GIPR: variants seen among roughly 807,000 people sequenced by gnomAD.
The protein encoded by GIPR is gastric inhibitory polypeptide receptor.
Under a neutral mutation model 62.2 loss-of-function variants are expected in GIPR, and 74 were observed. The ratio of observed to expected loss-of-function variants is 1.19; its 90% confidence interval spans 0.99 to 1.44. The LOEUF (loss-of-function observed/expected upper bound fraction) is 1.44, where lower values mean the gene tolerates loss of function less well. Ranked by LOEUF, GIPR falls within the 40% of genes most tolerant of loss-of-function variation. The pLI, the probability that GIPR is intolerant of heterozygous loss-of-function variation, is 0.00. For missense variants in GIPR, 664 were observed against 611.8 expected, an observed-to-expected ratio of 1.09 and a Z score of -0.90; for synonymous variants, 256 against 262.2, an observed-to-expected ratio of 0.98 and a Z score of 0.23.
chr19:45,670,539 C>T lies in GIPR; in HGVS notation c.73-96C>T, dbSNP rs557205120. ...ACTCCCGAACAACACGCAACAGACC[C>T]TCAAAGTCTCTCTGGGGCGCTTCTG... On this transcript the variant is annotated intron_variant, in intron 2 of 13. Coordinates refer to ENST00000590918, the MANE Select transcript of GIPR (RefSeq NM_000164.4). The T allele has an allele frequency of 8.6e-4, 685 of 800,520 alleles. 5 individuals carry two copies. Among genetic ancestry groups the T allele is most frequent in the Non-Finnish European group, 1.4e-3 (645 of 468,490 alleles). The allele number at this position is 800,520 out of a possible 1,614,324, so 49.6% of individuals were successfully genotyped here.
chr19:45,677,600 A>C (rs1967016980), intron 9 of GIPR, 110 bp from the exon 10 acceptor site: 3 of 937,252 alleles, frequency 3.2e-6, no homozygotes, highest in Non-Finnish European at 5.3e-6. Flanking sequence ...GGGACCTTAG[A>C]GAATGTGTGT....
chr19:45,683,240 C>G lies in GIPR; in HGVS notation c.*1305C>G, dbSNP rs1402172018. On this transcript the variant is annotated 3_prime_UTR_variant, in exon 14 of 14. Transcript: ENST00000590918. ...CTGGAGCTCTCAGGAGAGGGGCGAG[C>G]TGGAGATAGTAATGTGAGAGGCACT... The G allele has an allele frequency of 6.6e-6, 1 of 152,446 alleles. No individual in the cohort carries two copies. The highest frequency in any genetic ancestry group is 1.5e-5 in the Non-Finnish European group (1 of 68,206). 9.4% of individuals were successfully genotyped at this position (152,446 alleles called of 1,614,324 possible).
At chr19:45,678,328 G>T (rs2146098469) in intron 12 of GIPR, 102 bp downstream of exon 12, 1 of 1,281,478 alleles carries the variant, frequency 7.8e-7, no homozygotes, top group South Asian at 1.3e-5. Context: ...ACTGAATGGG[G>T]TGGGAAGATG....
In GIPR at chr19:45,683,277, G is replaced by C. The variant is rs1037047923; in HGVS notation, c.*1342G>C. On this transcript the variant is annotated 3_prime_UTR_variant, in exon 14 of 14. Coordinates refer to ENST00000590918, the MANE Select transcript of GIPR (RefSeq NM_000164.4). Reference sequence around the variant, plus strand: ...ATGTGAGAGGCACTGGGTCCTGAGAGGGTGATTTGGTGTGGACCGGAGCAC... The same window carrying C: ...ATGTGAGAGGCACTGGGTCCTGAGACGGTGATTTGGTGTGGACCGGAGCAC... 1 of 152,528 alleles carries C rather than the reference G, an allele frequency of 6.6e-6. No individual in the cohort carries two copies. The highest frequency in any genetic ancestry group is 1.5e-5 in the Non-Finnish European group (1 of 68,216). The allele number at this position is 152,528 out of a possible 1,614,324, so 9.4% of individuals were successfully genotyped here.
intron 8 of GIPR, 92 bp downstream of exon 8, chr19:45,677,200 C>G (rs1273044913): frequency 2.1e-5 from 30 of 1,440,794 alleles, no homozygotes; most frequent in Non-Finnish European, 2.7e-5. Context: ...GGTCTCCTCC[C>G]GTCTCTAGGC....
chr19:45,673,093 AAG>A (rs757477995), intron 5 of GIPR, 139 bp downstream of exon 5: 27 of 670,194 alleles, frequency 4.0e-5, no homozygotes, highest in Non-Finnish European at 6.6e-5. Context: ...ACTTGCTTCA[AAG>A]AGAGAAAGAT....
intron 12 of GIPR, among the ~76,000 whole-genome samples, chr19:45,680,839 C>CA (rs10561788): frequency 2.6e-3 from 286 of 111,384 alleles, no homozygotes; most frequent in Middle Eastern, 9.3e-3. Context: ...TCCCTGTCTC[C>CA]AAAAAAAAAA....
chr19:45,674,553 GC>G, intron 6 of GIPR, 128 bp from the exon 7 acceptor site: 1 of 819,742 alleles, frequency 1.2e-6, no homozygotes, highest in South Asian at 1.4e-5. Flanking sequence ...GCTGCAGTGA[GC>G]CCTGATTGTG....
Position 45,676,971 on chromosome 19 carries a change from C to T in GIPR, c.656C>T (p.Ala219Val). The T allele has an allele frequency of 6.2e-7, 1 of 1,614,098 alleles. No individual in the cohort carries two copies. The change falls in exon 8 of 14, where the codon GCC becomes GTC. Residue 219 changes from alanine (A) to valine (V), a missense_variant. By Grantham distance (64) the Ala-to-Val change is moderately conservative. Coordinates refer to ENST00000590918, the MANE Select transcript of GIPR (RefSeq NM_000164.4). ...TAGGCCCTCGCTGCCTGCCGCACGG[C>T]CCAGATCGTGACCCAGTACTGCGTG... Reference protein sequence around the residue: ...WNQALAACRTAQIVTQYCVGA... With the variant: ...WNQALAACRTVQIVTQYCVGA...
Position 45,683,100 on chromosome 19 carries a change from GGA to G in GIPR, c.*1170_*1171del, listed in dbSNP as rs1967326761. On this transcript the variant is annotated 3_prime_UTR_variant, in exon 14 of 14. Transcript: ENST00000590918. ...AGAGGACTCCTTGGCTTTGGATGGT[GGA>G]GAGACTAAAGATAGAGAGATTGGGT... is the stretch of plus-strand genomic sequence containing the variant. The G allele has an allele frequency of 6.5e-6, 1 of 152,704 alleles. No individual in the cohort carries two copies. Among genetic ancestry groups the G allele is most frequent in the South Asian group, 2.1e-4 (1 of 4,838 alleles). 9.5% of individuals were successfully genotyped at this position (152,704 alleles called of 1,614,324 possible).
chr19:45,677,303 C>T lies in GIPR; in HGVS notation c.794-20C>T. The T allele has an allele frequency of 1.1e-5, 9 of 810,280 alleles. No individual in the cohort carries two copies. The highest frequency in any genetic ancestry group is 1.2e-4 in the East Asian group (2 of 17,216). The allele number at this position is 810,280 out of a possible 1,614,324, so 50.2% of individuals were successfully genotyped here. On this transcript the variant is annotated intron_variant, in intron 8 of 13. Transcript: ENST00000590918. ...TGACAGCTGCGGCGGGGTGGGGGGG[C>T]GGGGTCGGGGTCTGCACAGGGGCCC...
chr19:45,676,937 G>C lies in GIPR; in HGVS notation c.634-12G>C, dbSNP rs1170219555. Reference sequence around the variant, plus strand: ...CGCTGACTACCCCTCTACCGGTCTGGCCCCTCCCTAGGCCCTCGCTGCCTG... The same window carrying C: ...CGCTGACTACCCCTCTACCGGTCTGCCCCCTCCCTAGGCCCTCGCTGCCTG... On this transcript the variant is annotated splice_polypyrimidine_tract_variant and intron_variant, in intron 7 of 13. Coordinates refer to ENST00000590918, the MANE Select transcript of GIPR (RefSeq NM_000164.4). 6.2e-7 allele frequency: 1 copy of C among 1,613,180 alleles called. No homozygotes were observed. Among genetic ancestry groups the C allele is most frequent in the Non-Finnish European group, 8.5e-7 (1 of 1,179,830 alleles).
Position 45,676,991 on chromosome 19 carries a change from T to A in GIPR, c.676T>A (p.Cys226Ser). Residue 226 changes from cysteine to serine, a missense_variant, in exon 8 of 14, where the codon TGC becomes AGC. Transcript: ENST00000590918. ...CACGGCCCAGATCGTGACCCAGTAC[T>A]GCGTGGGTGCCAACTACACGTGGCT... Reference protein sequence around the residue: ...CRTAQIVTQYCVGANYTWLLV... With the variant: ...CRTAQIVTQYSVGANYTWLLV... The A allele has an allele frequency of 1.2e-6, 2 of 1,614,076 alleles. No homozygotes were observed. Among genetic ancestry groups the A allele is most frequent in the Non-Finnish European group, 1.7e-6 (2 of 1,179,968 alleles).
At chr19:45,670,759 C>A in intron 3 of GIPR, 25 bp downstream of exon 3, 5 of 943,060 alleles carry the variant, frequency 5.3e-6, no homozygotes, top group Non-Finnish European at 7.7e-6. Context: ...GCTGGGGACG[C>A]GGGGAGGACC....
chr19:45,672,444 C>G (rs1266408834), intron 4 of GIPR, among the ~76,000 whole-genome samples: 1 of 152,016 alleles, frequency 6.6e-6, no homozygotes, highest in Non-Finnish European at 1.5e-5. Context: ...GTAGCTGGGA[C>G]TACAGGCGCA....
chr19:45,680,811 A>G (rs997050088), intron 12 of GIPR, among the ~76,000 whole-genome samples: 3 of 149,928 alleles, frequency 2.0e-5, no homozygotes, highest in African/African-American at 7.4e-5. Context: ...AGCCTGGGCA[A>G]CAGAGCAAGA....
At chr19:45,678,263 C>A (rs1444497837) in intron 12 of GIPR, 37 bp downstream of exon 12, 11 of 1,543,244 alleles carry the variant, frequency 7.1e-6, no homozygotes, top group African/African-American at 5.5e-5. Flanking sequence ...ATCCTTCCAC[C>A]CAGGGCCTCC....
chr19:45,681,125 AC>A (rs890987966), intron 12 of GIPR, among the ~76,000 whole-genome samples: 17 of 152,160 alleles, frequency 1.1e-4, no homozygotes, highest in African/African-American at 2.9e-4. Flanking sequence ...TGAAAAGATG[AC>A]CCTAATAGTT....
intron 1 of GIPR, 108 bp from the exon 2 acceptor site, chr19:45,669,368 GT>G: frequency 1.8e-6 from 2 of 1,102,222 alleles, no homozygotes; most frequent in Non-Finnish European, 2.6e-6. Flanking sequence ...AGTCCCGCGT[GT>G]ATACGGCTCC....
Sources: allele counts gnomAD v4.1 joint callset (sites outside exome capture counted in the v4.1 genomes callset), GRCh38; gene constraint gnomAD v4.1.1; transcripts MANE v1.5; gene names NCBI Gene and HGNC (gene_info 2026-07-23, HGNC 2026-07-21).